The following TM4SF20 variants were observed in gnomAD, a reference collection of about 807,000 sequenced individuals.
The protein encoded by TM4SF20 is transmembrane 4 L six family member 20.
TM4SF20 carries 13 observed loss-of-function variants against 15.1 expected under a neutral mutation model. The ratio of observed to expected loss-of-function variants is 0.86; its 90% CI spans 0.56 to 1.36. The LOEUF (loss-of-function observed/expected upper bound fraction) is 1.36, where lower values mean the gene tolerates loss of function less well. Among genes scored for constraint, TM4SF20 ranks in the 40% most tolerant of loss-of-function variants. The probability of loss-of-function intolerance (pLI) is 0.00; values close to 1 mark genes in which losing one functional copy is unlikely to be tolerated. For synonymous variants in TM4SF20, 92 were observed against 96.6 expected (o/e 0.95, Z 0.28); for missense variants, 282 against 268.4 (o/e 1.05, Z -0.35).
At chr2:227,367,799 A>G (rs1403745790) in intron 2 of TM4SF20, among the ~76,000 whole-genome samples, 1 of 152,006 alleles carries the variant, frequency 6.6e-6, no homozygotes, top group Non-Finnish European at 1.5e-5. Context: ...TATTATTTCC[A>G]TTTTATAGAT....
intron 2 of TM4SF20, among the ~76,000 whole-genome samples, chr2:227,367,026 T>A (rs1184900818): frequency 1.3e-5 from 2 of 152,158 alleles, no homozygotes; most frequent in Admixed American, 1.3e-4. Context: ...AGCATAGAGT[T>A]AGAACAGGAC....
At chr2:227,373,086 A>G (rs1274469592) in intron 1 of TM4SF20, among the ~76,000 whole-genome samples, 2 of 152,052 alleles carry the variant, frequency 1.3e-5, no homozygotes, top group African/African-American at 4.8e-5. Flanking sequence ...GAGTTTGTTC[A>G]TTCTCATCTT....
chr2:227,379,054 T>C (rs1388127600), intron 1 of TM4SF20, 32 bp downstream of exon 1: 1 of 1,604,216 alleles, frequency 6.2e-7, no homozygotes, highest in South Asian at 1.1e-5. Flanking sequence ...GGCAGGCCCT[T>C]CTTCACATCA....
chr2:227,377,442 G>A (rs1262466423), intron 1 of TM4SF20, among the ~76,000 whole-genome samples: 1 of 152,184 alleles, frequency 6.6e-6, no homozygotes, highest in Non-Finnish European at 1.5e-5. Context: ...TGAAGAAATA[G>A]CCCAAAACTT....
chr2:227,364,307 C>G (rs1560002763), intron 3 of TM4SF20, among the ~76,000 whole-genome samples: 1 of 152,078 alleles, frequency 6.6e-6, no homozygotes, highest in Non-Finnish European at 1.5e-5. Flanking sequence ...AACAGTTTTT[C>G]GTGGTTCAAC....
intron 3 of TM4SF20, 100 bp downstream of exon 3, chr2:227,365,992 TG>T (rs2076390628): frequency 8.1e-7 from 1 of 1,230,432 alleles, no homozygotes; most frequent in Non-Finnish European, 1.1e-6. Context: ...TCCCGGCAGT[TG>T]CATCAAATAA....
chr2:227,377,154 A>C (rs2076455306), intron 1 of TM4SF20, among the ~76,000 whole-genome samples: 1 of 152,214 alleles, frequency 6.6e-6, no homozygotes, highest in African/African-American at 2.4e-5. Context: ...TTTGTGGCAG[A>C]GCCAATTTAT....
chr2:227,365,952 A>T, intron 3 of TM4SF20, 141 bp downstream of exon 3: 1 of 742,506 alleles, frequency 1.3e-6, no homozygotes, highest in Non-Finnish European at 2.1e-6. Context: ...AACTGGCGTT[A>T]ATGTACTAAA....
At chr2:227,377,259 C>CAG (rs1338168445) in intron 1 of TM4SF20, among the ~76,000 whole-genome samples, 1 of 152,220 alleles carries the variant, frequency 6.6e-6, no homozygotes. Context: ...CATGCTCAGC[C>CAG]AGCTGCTCCT....
upstream of TM4SF20, chr2:227,379,434 G>A (rs529012520): frequency 6.9e-5 from 35 of 510,682 alleles, no homozygotes; most frequent in South Asian, 1.5e-3. Context: ...ACTATGATGG[G>A]AAATGAGAAA....
At chr2:227,380,167 C>A (rs7578003), upstream of TM4SF20, among the ~76,000 whole-genome samples, 1 of 151,942 alleles carries the variant, frequency 6.6e-6, no homozygotes, top group African/African-American at 2.4e-5. Flanking sequence ...TCATCTGTAC[C>A]AAAAAAACAA....
intron 3 of TM4SF20, among the ~76,000 whole-genome samples, chr2:227,364,445 T>A (rs115926424): frequency 0.039 from 5,836 of 148,202 alleles, 311 homozygotes; most frequent in African/African-American, 0.12. Context: ...GTGGCGTCCG[T>A]TCTTCAACCA....
At chr2:227,369,377 C>CA (rs2106491057) in intron 2 of TM4SF20, among the ~76,000 whole-genome samples, 1 of 150,082 alleles carries the variant, frequency 6.7e-6, no homozygotes, top group East Asian at 1.9e-4. Context: ...GCCACCCAGG[C>CA]ACTGGTATTT....
chr2:227,367,156 C>T (rs576433514), intron 2 of TM4SF20, among the ~76,000 whole-genome samples: 43 of 152,296 alleles, frequency 2.8e-4, no homozygotes, highest in Non-Finnish European at 5.4e-4. Context: ...CATCCCCCGA[C>T]GCCTTGCCAC....
Position 227,362,630 on chromosome 2 carries a change from G to A in TM4SF20, c.*1094C>T, listed in dbSNP as rs995043797. ...CATGCACAAAGTTATTTAAAATATT[G>A]TGTGAAATTACCTTCAGGCCAGGTG... On this transcript the variant is annotated 3_prime_UTR_variant, in exon 4 of 4. Coordinates refer to ENST00000304568, the MANE Select transcript of TM4SF20 (RefSeq NM_024795.4). 1 of 152,194 alleles carries A rather than the reference G, an allele frequency of 6.6e-6. No homozygotes were observed. Among genetic ancestry groups the A allele is most frequent in the African/African-American group, 2.4e-5 (1 of 41,436 alleles). 9.4% of individuals were successfully genotyped at this position (152,194 alleles called of 1,614,324 possible).
intron 2 of TM4SF20, among the ~76,000 whole-genome samples, chr2:227,369,035 G>A (rs1466594509): frequency 6.6e-6 from 1 of 152,208 alleles, no homozygotes; most frequent in African/African-American, 2.4e-5. Flanking sequence ...GTCTCAGGAT[G>A]TCAAGAATGT....
intron 1 of TM4SF20, among the ~76,000 whole-genome samples, chr2:227,373,507 T>G (rs1442250701): frequency 6.6e-6 from 1 of 152,194 alleles, no homozygotes; most frequent in African/African-American, 2.4e-5. Context: ...GACAAATCAT[T>G]TAGAACGGGA....
chr2:227,368,335 T>TTATA (rs61382561), intron 2 of TM4SF20, among the ~76,000 whole-genome samples: 47,419 of 122,476 alleles, frequency 0.39, 9,847 homozygotes, highest in South Asian at 0.56. Context: ...CATCTATTAT[T>TTATA]TATATATATA....
intron 3 of TM4SF20, 137 bp from the exon 4 acceptor site, chr2:227,364,149 T>G (rs1209766087): frequency 3.5e-6 from 3 of 868,284 alleles, no homozygotes; most frequent in Middle Eastern, 3.0e-4. Flanking sequence ...GATCAGGGTT[T>G]CTGAGCATGT....
Sources: allele counts gnomAD v4.1 joint callset (sites outside exome capture counted in the v4.1 genomes callset), GRCh38; gene constraint gnomAD v4.1.1; transcripts MANE v1.5; gene names NCBI Gene and HGNC (gene_info 2026-07-23, HGNC 2026-07-21).